HTRA3: variants seen among roughly 807,000 people sequenced by gnomAD.
HTRA3 encodes HtrA serine peptidase 3.
HTRA3 carries 41 observed loss-of-function variants against 43.2 expected under a neutral mutation model. The ratio of observed to expected loss-of-function variants is 0.95; its 90% CI spans 0.74 to 1.23. The LOEUF is 1.23. HTRA3 is among the 50% of genes most tolerant of loss of function. The pLI, the probability that HTRA3 is intolerant of heterozygous loss-of-function variation, is 0.00. For missense variants in HTRA3, 628 were observed against 647.1 expected (o/e 0.97, Z 0.32); for synonymous variants, 295 against 287.9 (o/e 1.02, Z -0.25).
intron 1 of HTRA3, among the ~76,000 whole-genome samples, chr4:8,273,758 A>G (rs1712403084): frequency 7.0e-6 from 1 of 142,286 alleles, no homozygotes; most frequent in Non-Finnish European, 1.5e-5. Flanking sequence ...TCTTCCCCTC[A>G]CTCCCCTCAA....
In HTRA3 at chr4:8,304,333, G is replaced by A. The variant is rs1450102393; in HGVS notation, c.1196+54G>A. 50 of 1,439,466 alleles carry A rather than the reference G, an allele frequency of 3.5e-5. No homozygotes were observed. The South Asian group carries it at 5.4e-4, about 16-fold the overall frequency. 89.2% of individuals were successfully genotyped at this position (1,439,466 alleles called of 1,614,324 possible). The stretch of plus-strand genomic sequence containing the variant: ...GGCATGGGGCAGGCGTGAGGTCTGG[G>A]CTGGGGCTGCCCCACTGACCTCATG... On this transcript the variant is annotated intron_variant, in intron 8 of 8. Coordinates refer to ENST00000307358, the MANE Select transcript of HTRA3 (RefSeq NM_053044.5).
At chr4:8,282,114 G>A (rs28579641) in intron 1 of HTRA3, among the ~76,000 whole-genome samples, 9 of 152,164 alleles carry the variant, frequency 5.9e-5, no homozygotes, top group African/African-American at 1.9e-4. Context: ...CCTCACTCCC[G>A]TGTGGCTCAC....
At chr4:8,271,238 G>A (rs549310379) in intron 1 of HTRA3, among the ~76,000 whole-genome samples, 1 of 152,108 alleles carries the variant, frequency 6.6e-6, no homozygotes, top group Non-Finnish European at 1.5e-5. Context: ...TTTTTTCTGC[G>A]GTCCGCTGAA....
chr4:8,270,460 G>C, intron 1 of HTRA3, 107 bp downstream of exon 1: 1 of 1,263,362 alleles, frequency 7.9e-7, no homozygotes. Context: ...GCACCACCGG[G>C]TGGCCCTTCA....
intron 1 of HTRA3, among the ~76,000 whole-genome samples, chr4:8,272,312 C>G (rs1712313037): frequency 6.6e-6 from 1 of 152,166 alleles, no homozygotes; most frequent in Admixed American, 6.5e-5. Flanking sequence ...CCTCACAGAC[C>G]ATCGAGGGGA....
chr4:8,300,789 T>C (rs1200353146), intron 6 of HTRA3, among the ~76,000 whole-genome samples: 2 of 152,096 alleles, frequency 1.3e-5, no homozygotes, highest in Non-Finnish European at 2.9e-5. Context: ...CTCATCTTTA[T>C]TATTGATTCA....
At chr4:8,281,527 A>G (rs1184754273) in intron 1 of HTRA3, among the ~76,000 whole-genome samples, 1 of 152,226 alleles carries the variant, frequency 6.6e-6, no homozygotes, top group Non-Finnish European at 1.5e-5. Context: ...GAGGCCACAC[A>G]GCTAGAAAGC....
intron 1 of HTRA3, among the ~76,000 whole-genome samples, chr4:8,277,000 C>CG (rs1384249552): frequency 5.3e-5 from 8 of 152,242 alleles, no homozygotes; most frequent in Admixed American, 4.6e-4. Context: ...ATGCCCAAAT[C>CG]GGGTCCCGCC....
intron 6 of HTRA3, among the ~76,000 whole-genome samples, chr4:8,300,279 A>G (rs937212079): frequency 2.0e-5 from 3 of 152,126 alleles, no homozygotes; most frequent in African/African-American, 7.2e-5. Flanking sequence ...ACTCATTTTC[A>G]GTTTTCTGGA....
Position 8,279,285 on chromosome 4 carries a change from A to G in HTRA3, c.386-3152A>G, listed in dbSNP as rs1254632799. Among the ~76,000 whole-genome samples the G allele has an allele frequency of 1.3e-5, 2 of 152,218 alleles. No homozygotes were observed. The highest frequency in any genetic ancestry group is 2.4e-5 in the African/African-American group (1 of 41,454). On this transcript the variant is annotated intron_variant, in intron 1 of 8. Coordinates refer to ENST00000307358, the MANE Select transcript of HTRA3 (RefSeq NM_053044.5). The surrounding 1 kb of genome is among the most constrained non-coding windows in gnomAD (Gnocchi z 7.4). ...CTGTAACTTTACCCCAACCACAAAT[A>G]ACCACCATGTAGTAGAATTTTGATG...
chr4:8,294,522 C>G (rs1045722194), intron 6 of HTRA3, among the ~76,000 whole-genome samples: 3 of 149,474 alleles, frequency 2.0e-5, no homozygotes, highest in Admixed American at 6.7e-5. Context: ...CTGGGCTCCT[C>G]TCATTTGGGC....
rs1713477143 is a variant in HTRA3, at chr4:8,296,929, C to T, written c.1051+2728C>T. On this transcript the variant is annotated intron_variant, in intron 6 of 8. Coordinates refer to ENST00000307358, the MANE Select transcript of HTRA3 (RefSeq NM_053044.5). This position sits in a 1 kb window ranked among gnomAD's most constrained non-coding sequence, Gnocchi z 5.3. Reference sequence around the variant, plus strand: ...AGATCTCTGACATCACAGGATTCCTCGATCTCAGAGGCCACAGGGTTCCTT... The same window carrying T: ...AGATCTCTGACATCACAGGATTCCTTGATCTCAGAGGCCACAGGGTTCCTT... 6.6e-6 allele frequency among the ~76,000 whole-genome samples: 1 copy of T among 152,024 alleles called. No homozygotes were observed. Among genetic ancestry groups the T allele is most frequent in the Non-Finnish European group, 1.5e-5 (1 of 68,000 alleles).
chr4:8,287,130 G>A (rs1236997105), intron 3 of HTRA3, among the ~76,000 whole-genome samples: 2 of 152,214 alleles, frequency 1.3e-5, no homozygotes, highest in African/African-American at 2.4e-5. Context: ...CCATGGGATG[G>A]CATCTGGGTT....
chr4:8,270,048 C>A lies in HTRA3; in HGVS notation c.80C>A (p.Ala27Glu). 1 of 1,444,634 alleles carries A rather than the reference C, an allele frequency of 6.9e-7. No homozygotes were observed. Among genetic ancestry groups the A allele is most frequent in the Non-Finnish European group, 9.0e-7 (1 of 1,105,336 alleles). The allele number at this position is 1,444,634 out of a possible 1,614,324, so 89.5% of individuals were successfully genotyped here. A position where few individuals can be genotyped will look rare whatever the true frequency, so the allele number is the denominator to read the frequency against. Residue 27 changes from alanine (A) to glutamate (E), a missense_variant, in exon 1 of 9, where the codon GCG becomes GAG. Physicochemically the swap from Ala to Glu is moderately radical, Grantham distance 107. Coordinates refer to ENST00000307358, the MANE Select transcript of HTRA3 (RefSeq NM_053044.5). ...GAGCCCCCTGCGGCGCCGTGTCCCG[C>A]GCGCTGCGACGTGTCGCGGTGTCCC... ...AREPPAAPCP[A>E]RCDVSRCPSP...
At position 8,302,490 on chromosome 4, in the gene HTRA3, G is replaced by A. The variant is rs1246074751; in HGVS notation, c.1079G>A (p.Arg360Gln). 9 of 1,614,034 alleles carry A rather than the reference G, an allele frequency of 5.6e-6. No individual in the cohort carries two copies. Among genetic ancestry groups the A allele is most frequent in the African/African-American group, 2.7e-5 (2 of 74,998 alleles). Residue 360 changes from arginine (R) to glutamine (Q), a missense_variant, in exon 7 of 9, where the codon CGG becomes CAG. By Grantham distance (43) the Arg-to-Gln change is conservative (BLOSUM62 1). Coordinates refer to ENST00000307358, the MANE Select transcript of HTRA3 (RefSeq NM_053044.5). ...TGGAAGAAGCGCTTCATCGGCATAC[G>A]GATGCGGACGATCACACCAAGGTGA... ...KDWKKRFIGI[R>Q]MRTITPSLVD... is the part of the protein sequence containing the mutation.
chr4:8,295,655 G>C lies in HTRA3; in HGVS notation c.1051+1454G>C. The stretch of plus-strand genomic sequence containing the variant: ...CTGGCCAACGCCCAGGCCTGACTCA[G>C]CAACTCACACTTCCACATTGCTTTG... On this transcript the variant is annotated intron_variant, in intron 6 of 8. Transcript: ENST00000307358. This position sits in a 1 kb window ranked among gnomAD's most constrained non-coding sequence, Gnocchi z 6.9. 1 of 1,385,930 alleles carries C rather than the reference G, an allele frequency of 7.2e-7. No homozygotes were observed. The highest frequency in any genetic ancestry group is 9.4e-7 in the Non-Finnish European group (1 of 1,065,564). 85.9% of individuals were successfully genotyped at this position (1,385,930 alleles called of 1,614,324 possible).
intron 1 of HTRA3, among the ~76,000 whole-genome samples, chr4:8,273,939 G>A (rs751021429): frequency 1.9e-4 from 27 of 144,986 alleles, no homozygotes; most frequent in Non-Finnish European, 3.5e-4. Flanking sequence ...CTGTGCACCG[G>A]GAGTCCCCTC....
chr4:8,283,193 G>T (rs181273722), intron 2 of HTRA3, among the ~76,000 whole-genome samples: 12 of 152,224 alleles, frequency 7.9e-5, no homozygotes, highest in Non-Finnish European at 1.6e-4. Context: ...GAATGAGTGA[G>T]TGTCCAATGG....
chr4:8,272,580 C>G lies in HTRA3; in HGVS notation c.385+2227C>G, dbSNP rs571755856. 2.1e-3 allele frequency among the ~76,000 whole-genome samples: 313 copies of G among 152,336 alleles called. 3 individuals are homozygous for G. Among genetic ancestry groups the G allele is most frequent in the African/African-American group, 7.3e-3 (302 of 41,568 alleles). On this transcript the variant is annotated intron_variant, in intron 1 of 8. Coordinates refer to ENST00000307358, the MANE Select transcript of HTRA3 (RefSeq NM_053044.5). ...ACACGCCCCTTGCCTGATGGGCAACCCCCAGACCACGTTGTTTCATATGTT... is the reference window on the plus strand; with the variant it reads ...ACACGCCCCTTGCCTGATGGGCAACGCCCAGACCACGTTGTTTCATATGTT...
Sources: allele counts gnomAD v4.1 joint callset (sites outside exome capture counted in the v4.1 genomes callset), GRCh38; gene constraint gnomAD v4.1.1; non-coding constraint Gnocchi (gnomAD v3.1); transcripts MANE v1.5; gene names NCBI Gene and HGNC (gene_info 2026-07-23, HGNC 2026-07-21).